The following QTMAN variants were observed in gnomAD, a reference collection of about 807,000 sequenced individuals.
QTMAN encodes the protein queuosine-tRNA mannosyltransferase.
At chr2:144,208,844 T>C in the QTMAN span, 2 of 1,170,192 alleles carry the variant, frequency 1.7e-6, no homozygotes, top group South Asian at 1.8e-5. Context: ...TTCCATTACA[T>C]ACATGTATAA....
the QTMAN span, among the ~76,000 whole-genome samples, chr2:144,305,723 T>C: frequency 6.6e-6 from 1 of 152,238 alleles, no homozygotes; most frequent in African/African-American, 2.4e-5. Flanking sequence ...TCTAGATCCA[T>C]GAACATGGGA....
the QTMAN span, among the ~76,000 whole-genome samples, chr2:144,209,609 T>C: frequency 6.6e-6 from 1 of 152,150 alleles, no homozygotes; most frequent in Non-Finnish European, 1.5e-5. Context: ...CATGATAAAA[T>C]TTCATCACAG....
At chr2:144,048,404 T>C in the QTMAN span, among the ~76,000 whole-genome samples, 9 of 152,142 alleles carry the variant, frequency 5.9e-5, no homozygotes, top group Non-Finnish European at 1.3e-4. Flanking sequence ...ACTGAGATCA[T>C]ACTACAAGCT....
At chr2:144,007,228 C>T in the QTMAN span, 3 of 1,610,428 alleles carry the variant, frequency 1.9e-6, no homozygotes, top group East Asian at 6.7e-5. Context: ...TGATTATCAA[C>T]TCCACCCAAA....
the QTMAN span, among the ~76,000 whole-genome samples, chr2:144,106,587 A>C: frequency 2.6e-5 from 4 of 152,226 alleles, no homozygotes; most frequent in Non-Finnish European, 5.9e-5. Flanking sequence ...CCAATACAGG[A>C]GCACCCAGAT....
chr2:143,954,185 T>TA, the QTMAN span, among the ~76,000 whole-genome samples: 2 of 151,962 alleles, frequency 1.3e-5, no homozygotes, highest in Non-Finnish European at 2.9e-5. Flanking sequence ...ATAAAACACT[T>TA]ACAAAAGTTC....
At chr2:144,265,432 T>G in the QTMAN span, among the ~76,000 whole-genome samples, 1,001 of 152,300 alleles carry the variant, frequency 6.6e-3, 6 homozygotes, top group Non-Finnish European at 0.01. Flanking sequence ...GCGCGGTGGC[T>G]CACACCTGTA....
the QTMAN span, among the ~76,000 whole-genome samples, chr2:144,278,557 T>TA: frequency 1.3e-5 from 2 of 151,130 alleles, no homozygotes; most frequent in Non-Finnish European, 3.0e-5. Flanking sequence ...TTTTTTTTTT[T>TA]AGCTGATGAG....
chr2:144,002,271 C>A, the QTMAN span, among the ~76,000 whole-genome samples: 1 of 151,922 alleles, frequency 6.6e-6, no homozygotes, highest in South Asian at 2.1e-4. Flanking sequence ...TACCAAGATA[C>A]AATAGCTGTC....
chr2:144,208,665 A>G, the QTMAN span: 8 of 1,613,938 alleles, frequency 5.0e-6, no homozygotes, highest in Admixed American at 8.3e-5. Flanking sequence ...GGGCTCTCCA[A>G]TGCCATTTCT....
the QTMAN span, among the ~76,000 whole-genome samples, chr2:144,174,361 T>A: frequency 6.6e-6 from 1 of 152,204 alleles, no homozygotes; most frequent in African/African-American, 2.4e-5. Flanking sequence ...GCCTCCCCCC[T>A]CATTTGGTTC....
At chr2:144,101,483 A>C in the QTMAN span, among the ~76,000 whole-genome samples, 1 of 152,034 alleles carries the variant, frequency 6.6e-6, no homozygotes, top group Admixed American at 6.6e-5. Context: ...TGCTTACCCC[A>C]CGCTTCTCAT....
At chr2:144,049,375 T>G in the QTMAN span, among the ~76,000 whole-genome samples, 1 of 152,150 alleles carries the variant, frequency 6.6e-6, no homozygotes, top group Non-Finnish European at 1.5e-5. Context: ...GGCAAGCAGC[T>G]TAAAAATAGA....
chr2:144,277,697 A>C, the QTMAN span, among the ~76,000 whole-genome samples: 1 of 152,056 alleles, frequency 6.6e-6, no homozygotes, highest in African/African-American at 2.4e-5. Context: ...TATCAACATT[A>C]CTGGATTGAC....
At chr2:144,095,886 C>A in the QTMAN span, among the ~76,000 whole-genome samples, 1 of 152,036 alleles carries the variant, frequency 6.6e-6, no homozygotes, top group Non-Finnish European at 1.5e-5. Flanking sequence ...CAATCTCCAA[C>A]CAAATAACTT....
At chr2:144,328,283 T>C in the QTMAN span, among the ~76,000 whole-genome samples, 1 of 152,130 alleles carries the variant, frequency 6.6e-6, no homozygotes, top group Non-Finnish European at 1.5e-5. Context: ...AAAAAAATTA[T>C]CGTCTGTTTA....
the QTMAN span, among the ~76,000 whole-genome samples, chr2:144,060,980 A>G: frequency 2.0e-5 from 3 of 152,102 alleles, no homozygotes; most frequent in Non-Finnish European, 4.4e-5. Context: ...TTAGAGAATC[A>G]TGTCATCATA....
At chr2:144,103,966 T>G in the QTMAN span, among the ~76,000 whole-genome samples, 23 of 152,150 alleles carry the variant, frequency 1.5e-4, no homozygotes, top group Non-Finnish European at 3.1e-4. Context: ...GGTGCACACC[T>G]GTAATCCCAG....
At chr2:143,997,027 T>G in the QTMAN span, among the ~76,000 whole-genome samples, 1 of 152,134 alleles carries the variant, frequency 6.6e-6, no homozygotes, top group Non-Finnish European at 1.5e-5. Context: ...ACCTTTTTGC[T>G]TTTGTTCATG....
Sources: gnomAD v4.1 joint callset for allele counts (sites outside exome capture counted in the v4.1 genomes callset) on GRCh38, gnomAD v4.1.1 for gene constraint, MANE v1.5 for transcripts, NCBI Gene and HGNC (gene_info 2026-07-23, HGNC 2026-07-21) for gene names.